PLCZ1: variants seen among roughly 807,000 people sequenced by gnomAD.
PLCZ1 encodes the protein 1-phosphatidylinositol 4,5-bisphosphate phosphodiesterase zeta-1.
Under a neutral mutation model 76.8 loss-of-function variants are expected in PLCZ1, and 64 were observed. That is an observed-to-expected ratio of 0.83 (90% CI 0.68 to 1.03). The LOEUF is 1.03. Ranked by LOEUF, PLCZ1 falls within the 50% of genes least tolerant of loss-of-function variation. The pLI is 0.00. For missense variants in PLCZ1, 751 were observed against 713.7 expected (o/e 1.05, Z -0.60); for synonymous variants, 248 against 230.8 (o/e 1.07, Z -0.68).
chr12:18,685,017 G>A (rs1244117004), intron 13 of PLCZ1, among the ~76,000 whole-genome samples: 1 of 151,988 alleles, frequency 6.6e-6, no homozygotes, highest in Non-Finnish European at 1.5e-5. Context: ...CCCCAGCCAT[G>A]AGGAACTGTG....
rs1380094718 is a variant in PLCZ1 at position 18,695,410 on chromosome 12, T to C, written c.1292-331A>G. On this transcript the variant is annotated intron_variant, in intron 11 of 14. Coordinates refer to ENST00000266505, the MANE Select transcript of PLCZ1 (RefSeq NM_033123.4). ...TGTCAGAATAAAGAGTATCAGTGCA[T>C]TGAATGCAAGAGGTAAAGACATCAA... Among the ~76,000 whole-genome samples, 2 of 152,148 alleles carry C rather than the reference T, an allele frequency of 1.3e-5. 1 individual carries two copies. The highest frequency in any genetic ancestry group is 4.1e-4 in the South Asian group (2 of 4,832).
chr12:18,699,765 T>G lies in PLCZ1; in HGVS notation c.1174+29A>C, dbSNP rs769655115. On this transcript the variant is annotated intron_variant, in intron 10 of 14. Coordinates refer to ENST00000266505, the MANE Select transcript of PLCZ1 (RefSeq NM_033123.4). ...GCAGTGAATCTAACTCATTTAAACA[T>G]TTCATCTATTTGAGTCACAAAAATT... The G allele has an allele frequency of 1.9e-6, 3 of 1,593,800 alleles. No homozygotes were observed. In the South Asian group the frequency reaches 3.3e-5, roughly 18 times the overall value.
chr12:18,697,781 A>G (rs1044817810), intron 10 of PLCZ1, among the ~76,000 whole-genome samples: 1 of 144,818 alleles, frequency 6.9e-6, no homozygotes, highest in Non-Finnish European at 1.5e-5. Flanking sequence ...TTTCATTTCA[A>G]TAATATTCAT....
intron 9 of PLCZ1, among the ~76,000 whole-genome samples, chr12:18,700,203 TA>T (rs1955692073): frequency 1.3e-5 from 2 of 152,148 alleles, no homozygotes; most frequent in African/African-American, 4.8e-5. Context: ...TATTACTATT[TA>T]TTTTTTTCCT....
At chr12:18,685,863 CACACACAT>C (rs1207112650) in intron 13 of PLCZ1, among the ~76,000 whole-genome samples, 29 of 146,048 alleles carry the variant, frequency 2.0e-4, no homozygotes, top group Non-Finnish European at 2.9e-4. Context: ...CACACACACA[CACACACAT>C]ACAATAATAT....
intron 2 of PLCZ1, among the ~76,000 whole-genome samples, chr12:18,736,960 AT>A (rs777245419): frequency 6.6e-6 from 1 of 152,120 alleles, no homozygotes; most frequent in Non-Finnish European, 1.5e-5. Context: ...AACGAAAAAA[AT>A]TTTTAAAAGC....
chr12:18,701,567 T>A lies in PLCZ1; in HGVS notation c.951A>T (p.Gly317=). ...THERKGSDKR[G]DNQDKETGVK... ...CCCCTGTTTCCTTGTCTTGATTGTC[T>A]CCTAAAACAGATTCCAATACTTCTG... is the stretch of plus-strand genomic sequence containing the variant. Residue 317 remains glycine (G), a splice_region_variant and synonymous_variant, in exon 9 of 15, where the codon GGA becomes GGT. Transcript: ENST00000266505. 1 of 1,613,926 alleles carries A rather than the reference T, an allele frequency of 6.2e-7. No individual in the cohort carries two copies. The highest frequency in any genetic ancestry group is 2.2e-5 in the East Asian group (1 of 44,834).
intron 7 of PLCZ1, among the ~76,000 whole-genome samples, chr12:18,704,159 G>C (rs1956290349): frequency 6.6e-6 from 1 of 152,080 alleles, no homozygotes; most frequent in African/African-American, 2.4e-5. Context: ...GTTAATGAGA[G>C]GACAACCAGA....
At chr12:18,719,350 C>T (rs913966779) in intron 5 of PLCZ1, 81 bp downstream of exon 5, 8 of 741,878 alleles carry the variant, frequency 1.1e-5, no homozygotes, top group Non-Finnish European at 1.6e-5. Flanking sequence ...TTTTATTGTG[C>T]ACTCTTGCCT....
intron 3 of PLCZ1, among the ~76,000 whole-genome samples, chr12:18,725,262 G>A (rs6486914): frequency 0.84 from 127,256 of 152,108 alleles, 53,989 homozygotes; most frequent in East Asian, 0.99. Context: ...AAAGCAGGAC[G>A]TGGTAGCATC....
At chr12:18,652,429 G>T in the PLCZ1 span, among the ~76,000 whole-genome samples, 1 of 152,138 alleles carries the variant, frequency 6.6e-6, no homozygotes, top group Non-Finnish European at 1.5e-5. Flanking sequence ...AAGAGGCATG[G>T]CAGAGATTCT....
At chr12:18,700,327 G>A (rs1453184666) in intron 9 of PLCZ1, among the ~76,000 whole-genome samples, 1 of 151,448 alleles carries the variant, frequency 6.6e-6, no homozygotes, top group African/African-American at 2.4e-5. Flanking sequence ...TTCACAACCT[G>A]GCATCTATTT....
chr12:18,700,538 A>AAAAAAAAAAAAAG (rs1370935394), intron 9 of PLCZ1, among the ~76,000 whole-genome samples: 3 of 135,918 alleles, frequency 2.2e-5, no homozygotes, highest in Non-Finnish European at 1.5e-5. Context: ...AAAAAAAAAT[A>AAAAAAAAAAAAAG]GTTGCTCTGC....
chr12:18,651,945 C>G, the PLCZ1 span, among the ~76,000 whole-genome samples: 3 of 152,220 alleles, frequency 2.0e-5, no homozygotes, highest in African/African-American at 7.2e-5. Context: ...GCAGGGATCT[C>G]TAAGGATTCC....
At chr12:18,685,844 G>GCA (rs765449096) in intron 13 of PLCZ1, among the ~76,000 whole-genome samples, 6,054 of 48,136 alleles carry the variant, frequency 0.13, 158 homozygotes, top group African/African-American at 0.18. Flanking sequence ...ACACACACAC[G>GCA]CGCACACACA....
Position 18,696,139 on chromosome 12 carries a change from A to G in PLCZ1, c.1291+11T>C. 1 of 1,313,934 alleles carries G rather than the reference A, an allele frequency of 7.6e-7. No homozygotes were observed. The highest frequency in any genetic ancestry group is 1.2e-5 in the South Asian group (1 of 84,124). The allele number at this position is 1,313,934 out of a possible 1,614,324, so 81.4% of individuals were successfully genotyped here. ...ACTTCTGCAAACAACTCAATATCGT[A>G]TATAACATACCCATTTGACAACCTA... On this transcript the variant is annotated intron_variant, in intron 11 of 14. Transcript: ENST00000266505.
At chr12:18,737,533 C>T (rs972263282) in intron 1 of PLCZ1, 24 bp from the exon 2 acceptor site, 1 of 927,106 alleles carries the variant, frequency 1.1e-6, no homozygotes, top group African/African-American at 2.4e-5. Context: ...AGAGAACACA[C>T]AGTGGTTTTT....
At chr12:18,653,965 C>T in the PLCZ1 span, among the ~76,000 whole-genome samples, 27 of 152,102 alleles carry the variant, frequency 1.8e-4, no homozygotes, top group African/African-American at 6.3e-4. Context: ...CGATTTACCC[C>T]AAGAATCAAG....
intron 3 of PLCZ1, among the ~76,000 whole-genome samples, chr12:18,732,256 A>T (rs1959092154): frequency 6.6e-6 from 1 of 152,020 alleles, no homozygotes; most frequent in African/African-American, 2.4e-5. Context: ...AGCTCAAAGG[A>T]TCCTTCCACC....
Sources: allele counts gnomAD v4.1 joint callset (sites outside exome capture counted in the v4.1 genomes callset), GRCh38; gene constraint gnomAD v4.1.1; transcripts MANE v1.5; gene names NCBI Gene and HGNC (gene_info 2026-07-23, HGNC 2026-07-21).